The following SEMA6A variants were observed in gnomAD, a reference collection of about 807,000 sequenced individuals.
The protein encoded by SEMA6A is semaphorin 6A.
SEMA6A carries 25 observed loss-of-function variants against 96.8 expected under a neutral mutation model. That is an observed-to-expected ratio of 0.26 (90% CI 0.19 to 0.36). The LOEUF (loss-of-function observed/expected upper bound fraction) is 0.36, where lower values mean the gene tolerates loss of function less well. Ranked by LOEUF, SEMA6A falls within the 10% of genes least tolerant of loss-of-function variation. The pLI is 1.00. For synonymous variants in SEMA6A, 612 were observed against 518.0 expected (o/e 1.18, Z -2.46); for missense variants, 1,363 against 1,323.1 (o/e 1.03, Z -0.47).
intron 16 of SEMA6A, among the ~76,000 whole-genome samples, chr5:116,474,606 A>G (rs1426132943): frequency 6.6e-6 from 1 of 152,206 alleles, no homozygotes; most frequent in Non-Finnish European, 1.5e-5. Context: ...TCTCTAAAAA[A>G]GATAAGGTAG....
rs560020998 is a variant in SEMA6A at position 116,479,788 on chromosome 5, A to G, written c.1250+334T>C. ...CAAGTTTTGTAATCATTTCCAACCA[A>G]TCAGGTATCCACATCCATTCACTGG... On this transcript the variant is annotated intron_variant, in intron 12 of 18. Transcript: ENST00000343348. 2.6e-5 allele frequency among the ~76,000 whole-genome samples: 4 copies of G among 152,318 alleles called. No homozygotes were observed. In the South Asian group the frequency reaches 8.3e-4, roughly 32 times the overall value.
intron 1 of SEMA6A, among the ~76,000 whole-genome samples, chr5:116,555,846 T>C (rs1306167354): frequency 1.3e-5 from 2 of 152,144 alleles, no homozygotes; most frequent in Non-Finnish European, 2.9e-5. Context: ...AAATACATAT[T>C]TTTAAAAAAT....
At chr5:116,506,852 C>G (rs1758166209) in intron 1 of SEMA6A, among the ~76,000 whole-genome samples, 1 of 152,282 alleles carries the variant, frequency 6.6e-6, no homozygotes, top group Middle Eastern at 3.4e-3. Flanking sequence ...TGTATGTATG[C>G]TTTTAAGGCT....
At chr5:116,500,492 T>G (rs1180562815) in intron 3 of SEMA6A, among the ~76,000 whole-genome samples, 1 of 152,346 alleles carries the variant, frequency 6.6e-6, no homozygotes, top group Admixed American at 6.5e-5. Context: ...AGCATACTAG[T>G]TGTATATACT....
chr5:116,509,510 G>T (rs954210158), intron 1 of SEMA6A, among the ~76,000 whole-genome samples: 1 of 152,126 alleles, frequency 6.6e-6, no homozygotes, highest in African/African-American at 2.4e-5. Context: ...TAAAATGAAA[G>T]GATATGAAAT....
Position 116,449,658 on chromosome 5 carries a change from G to A in SEMA6A, c.1895-1847C>T, listed in dbSNP as rs140291077. The A allele has an allele frequency of 2.2e-3, 606 of 276,746 alleles. 7 individuals are homozygous for A. The highest frequency in any genetic ancestry group is 0.011 in the African/African-American group (503 of 45,622). The allele number at this position is 276,746 out of a possible 1,614,324, so 17.1% of individuals were successfully genotyped here. On this transcript the variant is annotated intron_variant, in intron 18 of 18. Coordinates refer to ENST00000343348, the MANE Select transcript of SEMA6A (RefSeq NM_020796.5). ...TCCTCCCTTCAATTGTGACATCACA[G>A]TTGGTTGCTGTGGAAATGATTGTCC...
intron 1 of SEMA6A, among the ~76,000 whole-genome samples, chr5:116,543,133 G>A (rs1760046272): frequency 6.6e-6 from 1 of 152,092 alleles, no homozygotes; most frequent in Non-Finnish European, 1.5e-5. Context: ...AGGGATGATT[G>A]GTTTTTCTGT....
chr5:116,496,430 G>C (rs886615394), intron 4 of SEMA6A, 117 bp from the exon 5 acceptor site: 10 of 747,562 alleles, frequency 1.3e-5, no homozygotes, highest in African/African-American at 1.3e-4. Flanking sequence ...AAAGCTTTCT[G>C]CACCCTTTCT....
chr5:116,503,405 T>C (rs1757987760), intron 2 of SEMA6A, among the ~76,000 whole-genome samples: 1 of 152,224 alleles, frequency 6.6e-6, no homozygotes, highest in Admixed American at 6.5e-5. Flanking sequence ...TGAAATTTCA[T>C]GTACCCATTC....
chr5:116,539,203 GT>G (rs1057330714), intron 1 of SEMA6A, among the ~76,000 whole-genome samples: 3 of 152,200 alleles, frequency 2.0e-5, no homozygotes, highest in African/African-American at 7.2e-5. Flanking sequence ...GCTTTTAGCT[GT>G]GACGATCTGG....
intron 18 of SEMA6A, among the ~76,000 whole-genome samples, chr5:116,460,156 T>TAAGTA (rs1481353032): frequency 6.6e-6 from 1 of 152,186 alleles, no homozygotes; most frequent in Non-Finnish European, 1.5e-5. Context: ...ATTTTGAGGT[T>TAAGTA]AAGTAAAACA....
At position 116,506,325 on chromosome 5, in the gene SEMA6A, A is replaced by C. The variant is rs373842223; in HGVS notation, c.-38-1343T>G. Among the ~76,000 whole-genome samples the C allele has an allele frequency of 5.3e-5, 8 of 152,244 alleles. No individual in the cohort carries two copies. In the East Asian group the frequency reaches 9.6e-4, roughly 18 times the overall value. ...TTAATTAATTTGCTTTATCTTGAAA[A>C]TCAAAGAGGGAGACAGATTGAGAGA... On this transcript the variant is annotated intron_variant, in intron 1 of 18. Transcript: ENST00000343348.
At chr5:116,537,477 A>T (rs1424332245) in intron 1 of SEMA6A, among the ~76,000 whole-genome samples, 1 of 152,122 alleles carries the variant, frequency 6.6e-6, no homozygotes, top group African/African-American at 2.4e-5. Flanking sequence ...GTCTAATCTG[A>T]ACTAGAACCC....
chr5:116,449,486 ATGT>A (rs1398881472), intron 18 of SEMA6A: 2 of 604,390 alleles, frequency 3.3e-6, no homozygotes, highest in Non-Finnish European at 5.9e-6. Flanking sequence ...TTCTACTGAA[ATGT>A]TGTCTTTGTC....
chr5:116,475,584 T>A lies in SEMA6A; in HGVS notation c.1669A>T (p.Ile557Leu). Reference sequence around the variant, plus strand: ...AGACCATCTGTATTGCCACGCTCTATGTCCTGCTCAAAAGTCAGTCTTTTA... The same window carrying A: ...AGACCATCTGTATTGCCACGCTCTAAGTCCTGCTCAAAAGTCAGTCTTTTA... ...PNSRLTFEQD[I>L]ERGNTDGLGD... Residue 557 changes from isoleucine (I) to leucine (L), a missense_variant, in exon 16 of 19, where the codon ATA becomes TTA. Around this residue, in one of 2 missense-constraint regions of SEMA6A, gnomAD observed 883 missense variants for 763.6 expected, o/e 1.16. Transcript: ENST00000343348. 2 of 1,604,008 alleles carry A rather than the reference T, an allele frequency of 1.2e-6. No homozygotes were observed. The highest frequency in any genetic ancestry group is 8.5e-7 in the Non-Finnish European group (1 of 1,175,034).
intron 18 of SEMA6A, among the ~76,000 whole-genome samples, chr5:116,463,796 CTT>C (rs1299555437): frequency 1.3e-5 from 2 of 152,164 alleles, no homozygotes; most frequent in Admixed American, 1.3e-4. Flanking sequence ...CACAAGAACT[CTT>C]TATTATAAAA....
intron 1 of SEMA6A, among the ~76,000 whole-genome samples, chr5:116,539,207 C>T (rs903643831): frequency 3.4e-4 from 52 of 152,264 alleles, no homozygotes; most frequent in African/African-American, 1.1e-3. Context: ...TTAGCTGTGA[C>T]GATCTGGGCA....
chr5:116,467,807 C>T lies in SEMA6A; in HGVS notation c.1730-60G>A, dbSNP rs763037633. ...ACCAGAGAGACCCACATTCCCTTTG[C>T]GCAGAGGCCTGGAGGTGGGACACCC... On this transcript the variant is annotated intron_variant, in intron 17 of 18. Coordinates refer to ENST00000343348, the MANE Select transcript of SEMA6A (RefSeq NM_020796.5). 1.3e-5 allele frequency: 20 copies of T among 1,569,258 alleles called. 1 individual carries two copies. Among genetic ancestry groups the T allele is most frequent in the Admixed American group, 7.1e-5 (4 of 56,462 alleles).
intron 1 of SEMA6A, among the ~76,000 whole-genome samples, chr5:116,511,954 C>A (rs1758425121): frequency 6.6e-6 from 1 of 152,168 alleles, no homozygotes; most frequent in Non-Finnish European, 1.5e-5. Flanking sequence ...GAGTAAGGAA[C>A]CTCTGTCCAG....
Sources: allele counts gnomAD v4.1 joint callset (sites outside exome capture counted in the v4.1 genomes callset), GRCh38; gene constraint gnomAD v4.1.1; regional missense constraint gnomAD v4.1.1; transcripts MANE v1.5; gene names NCBI Gene and HGNC (gene_info 2026-07-23, HGNC 2026-07-21).